Variants in MIA3 observed in about 807,000 individuals in gnomAD.
The protein encoded by MIA3 is transport and Golgi organization protein 1 homolog.
Under a neutral mutation model 192.4 loss-of-function variants are expected in MIA3, and 90 were observed. The ratio of observed to expected loss-of-function variants is 0.47; its 90% CI spans 0.39 to 0.56. MIA3 has a LOEUF of 0.56. Among genes scored for constraint, MIA3 ranks in the 20% least tolerant of loss-of-function variants. MIA3 has a pLI of 0.00. For synonymous variants in MIA3, 740 were observed against 792.8 expected (o/e 0.93, Z 1.12); for missense variants, 2,123 against 2,269.4 (o/e 0.94, Z 1.31).
chr1:222,654,176 T>C, intron 15 of MIA3, 67 bp from the exon 16 acceptor site: 7 of 1,486,346 alleles, frequency 4.7e-6, no homozygotes, highest in Non-Finnish European at 6.5e-6. Flanking sequence ...TTTGGGTAAA[T>C]CAAGAAAATA....
intron 6 of MIA3, chr1:222,641,527 A>G (rs1275700147): frequency 1.8e-5 from 9 of 499,006 alleles, no homozygotes; most frequent in South Asian, 4.4e-5. Context: ...GATTTTCTCT[A>G]TCTGCTTGGT....
At chr1:222,622,820 G>A (rs1237718582) in intron 2 of MIA3, among the ~76,000 whole-genome samples, 2 of 152,040 alleles carry the variant, frequency 1.3e-5, no homozygotes, top group African/African-American at 2.4e-5. Flanking sequence ...GCTCATTCAC[G>A]TCTTCATCTC....
chr1:222,632,226 G>T lies in MIA3; in HGVS notation c.3231G>T (p.Gln1077His), dbSNP rs781214860. ...SREKTAELNV[Q>H]VPEEPTHLDQ... ...AGAAGACAGCAGAACTTAATGTGCA[G>T]GTTCCTGAAGAACCCACCCACTTGG... is the stretch of plus-strand genomic sequence containing the variant. The change falls in exon 5 of 28, where the codon CAG becomes CAT. Residue 1077 changes from glutamine (Q) to histidine (H), a missense_variant. By Grantham distance (24) the Gln-to-His change is conservative (BLOSUM62 0). Coordinates refer to ENST00000344922, the MANE Select transcript of MIA3 (RefSeq NM_198551.4). 12 of 1,614,050 alleles carry T rather than the reference G, an allele frequency of 7.4e-6. No individual in the cohort carries two copies. In the African/African-American group the frequency reaches 1.6e-4, roughly 22 times the overall value.
chr1:222,627,597 A>G lies in MIA3; in HGVS notation c.377A>G (p.Asp126Gly), dbSNP rs1389741709. ...CAGGAGACGGATTTTGTTTGTTTTG[A>G]TGGAGGAAGAGATGATTTTCATAAT... ...PTDETDFVCFDGGRDDFHNYN... is the reference protein window; with the variant it reads ...PTDETDFVCFGGGRDDFHNYN... Residue 126 changes from aspartate to glycine, a missense_variant, in exon 4 of 28, where the codon GAT becomes GGT. This residue lies in a region of MIA3 where 1,357 missense variants were observed against 1,396.1 expected (regional missense o/e 0.97). Transcript: ENST00000344922. 1 of 1,576,882 alleles carries G rather than the reference A, an allele frequency of 6.3e-7. No individual in the cohort carries two copies. Among genetic ancestry groups the G allele is most frequent in the Non-Finnish European group, 8.6e-7 (1 of 1,168,128 alleles).
intron 6 of MIA3, among the ~76,000 whole-genome samples, chr1:222,636,606 G>C (rs1027293830): frequency 4.0e-5 from 6 of 148,820 alleles, no homozygotes; most frequent in African/African-American, 7.5e-5. Context: ...TCCACCTCCC[G>C]GGTTCAAGCG....
At chr1:222,620,692 T>C (rs1661815239) in intron 1 of MIA3, among the ~76,000 whole-genome samples, 1 of 152,258 alleles carries the variant, frequency 6.6e-6, no homozygotes, top group African/African-American at 2.4e-5. Context: ...AATTGACCTC[T>C]TGGGGGTTCC....
intron 27 of MIA3, among the ~76,000 whole-genome samples, chr1:222,664,698 A>G (rs931487701): frequency 2.6e-5 from 4 of 152,230 alleles, no homozygotes; most frequent in Non-Finnish European, 5.9e-5. Flanking sequence ...CTTTTCCAGC[A>G]GGGCAAGCAC....
chr1:222,644,229 T>C, intron 6 of MIA3: 1 of 1,248,432 alleles, frequency 8.0e-7, no homozygotes, highest in Non-Finnish European at 1.0e-6. Context: ...GATAGTTGGT[T>C]CCGTCCGCTC....
intron 19 of MIA3, chr1:222,659,247 C>T (rs1663885171): frequency 3.5e-6 from 2 of 564,384 alleles, no homozygotes; most frequent in East Asian, 3.0e-5. Flanking sequence ...AATATATCAA[C>T]TCAATCTCCA....
chr1:222,654,131 G>C (rs187029431), intron 15 of MIA3, 112 bp from the exon 16 acceptor site: 1 of 1,031,968 alleles, frequency 9.7e-7, no homozygotes. Flanking sequence ...GTTTTTGTTT[G>C]TTCTTTAAAT....
Position 222,628,543 on chromosome 1 carries a change from T to C in MIA3, c.1323T>C (p.Asp441=). ...ATTATAGTGACCCTGACAATGTAGA[T>C]GATGGTCTTTTTATTGTAGACATTC... ...ATDYSDPDNV[D]DGLFIVDIPK... Residue 441 remains aspartate (D), a synonymous_variant, in exon 4 of 28, where the codon GAT becomes GAC. Transcript: ENST00000344922. The C allele has an allele frequency of 6.2e-7, 1 of 1,614,198 alleles. No homozygotes were observed. The highest frequency in any genetic ancestry group is 1.6e-4 in the Middle Eastern group (1 of 6,062).
chr1:222,659,149 T>G (rs540409065), intron 19 of MIA3: 48 of 427,974 alleles, frequency 1.1e-4, no homozygotes, highest in Non-Finnish European at 1.9e-4. Flanking sequence ...TTTTATGATG[T>G]AATTAAAGGA....
intron 6 of MIA3, among the ~76,000 whole-genome samples, chr1:222,634,823 A>T (rs903470092): frequency 6.6e-6 from 1 of 152,206 alleles, no homozygotes; most frequent in African/African-American, 2.4e-5. Flanking sequence ...AGATGATTTT[A>T]TTTCAAATCC....
rs748451764 is a variant in MIA3 at position 222,652,988 on chromosome 1, C to T, written c.4087-20C>T. ...TGCAAAAGCCCTAACCTGTGGGAAT[C>T]ATGTGTTTTAACTTTGCAGTTGCAG... On this transcript the variant is annotated intron_variant, in intron 13 of 27. Coordinates refer to ENST00000344922, the MANE Select transcript of MIA3 (RefSeq NM_198551.4). 3 of 1,603,172 alleles carry T rather than the reference C, an allele frequency of 1.9e-6. No homozygotes were observed. The highest frequency in any genetic ancestry group is 2.6e-6 in the Non-Finnish European group (3 of 1,172,446).
Position 222,630,263 on chromosome 1 carries a change from G to A in MIA3, c.3043G>A (p.Ala1015Thr), listed in dbSNP as rs747939525. 1.9e-6 allele frequency: 3 copies of A among 1,614,210 alleles called. No homozygotes were observed. Among genetic ancestry groups the A allele is most frequent in the South Asian group, 2.2e-5 (2 of 91,080 alleles). ...GMNENNIFEE[A>T]AVLDDIQDLI... ...GAACGAAAATAACATATTTGAAGAGGCTGCAGTGCTTGATGACATTCAAGA... is the reference window on the plus strand; with the variant it reads ...GAACGAAAATAACATATTTGAAGAGACTGCAGTGCTTGATGACATTCAAGA... Residue 1015 changes from alanine to threonine, a missense_variant, in exon 4 of 28, where the codon GCT (alanine) becomes ACT (threonine). Around this residue, in one of 3 missense-constraint regions of MIA3, gnomAD observed 1,357 missense variants for 1,396.1 expected, o/e 0.97. Coordinates refer to ENST00000344922, the MANE Select transcript of MIA3 (RefSeq NM_198551.4).
rs776689334 is a variant in MIA3, at chr1:222,654,764, C to T, written c.4578C>T (p.Leu1526=). The T allele has an allele frequency of 1.2e-6, 2 of 1,614,042 alleles. No individual in the cohort carries two copies. The highest frequency in any genetic ancestry group is 2.2e-5 in the East Asian group (1 of 44,874). The part of the protein sequence containing the change: ...LRQKVEILNE[L]YQQKEMALQK... The stretch of plus-strand genomic sequence containing the variant: ...AGAAAGTGGAGATTCTGAATGAGCT[C>T]TATCAGCAGAAGGAGATGGCTTTGC... The change falls in exon 18 of 28, where the codon CTC becomes CTT. Residue 1526 remains leucine (L), a synonymous_variant. Transcript: ENST00000344922.
chr1:222,623,119 T>G (rs1280414995), intron 2 of MIA3, among the ~76,000 whole-genome samples: 1 of 152,262 alleles, frequency 6.6e-6, no homozygotes, highest in African/African-American at 2.4e-5. Context: ...ATATTTGTCC[T>G]GATATTATCT....
chr1:222,658,289 G>A (rs1197013899), intron 18 of MIA3, among the ~76,000 whole-genome samples: 1 of 152,166 alleles, frequency 6.6e-6, no homozygotes, highest in Non-Finnish European at 1.5e-5. Flanking sequence ...TCTTTATCAT[G>A]GTACCAGCCT....
intron 5 of MIA3, among the ~76,000 whole-genome samples, chr1:222,632,610 G>A (rs1460741267): frequency 6.6e-6 from 1 of 152,188 alleles, no homozygotes; most frequent in African/African-American, 2.4e-5. Flanking sequence ...CTCTAAAACA[G>A]TAGTTTTCAA....
Sources: gnomAD v4.1 joint callset for allele counts (sites outside exome capture counted in the v4.1 genomes callset) on GRCh38, gnomAD v4.1.1 for gene constraint, gnomAD v4.1.1 regional missense constraint, MANE v1.5 for transcripts, NCBI Gene and HGNC (gene_info 2026-07-23, HGNC 2026-07-21) for gene names.